TRPM3: variants seen among roughly 807,000 people sequenced by gnomAD.
TRPM3 encodes transient receptor potential cation channel subfamily M member 3, also known as long transient receptor potential channel 3.
A neutral mutation model predicts 181.2 loss-of-function variants in TRPM3; 77 were observed. The ratio of observed to expected loss-of-function variants is 0.42; its 90% confidence interval spans 0.35 to 0.51. The LOEUF (loss-of-function observed/expected upper bound fraction) is 0.51, where lower values mean the gene tolerates loss of function less well. Among genes scored for constraint, TRPM3 ranks in the 20% least tolerant of loss-of-function variants. The probability of loss-of-function intolerance (pLI) is 0.01; values close to 1 mark genes in which losing one functional copy is unlikely to be tolerated. For synonymous variants in TRPM3, 745 were observed against 796.4 expected, an observed-to-expected ratio of 0.94 and a Z score of 1.09; for missense variants, 1,759 against 2,196.7, an observed-to-expected ratio of 0.80 and a Z score of 3.98.
chr9:70,925,067 CAA>C (rs1478477252), intron 1 of TRPM3, among the ~76,000 whole-genome samples: 1 of 152,132 alleles, frequency 6.6e-6, no homozygotes, highest in Non-Finnish European at 1.5e-5. Context: ...TTGAGTCAGT[CAA>C]GAGTTTTGGC....
chr9:71,180,826 TA>T lies in TRPM3; in HGVS notation c.183+265826del, dbSNP rs1565311183. On this transcript the variant is annotated intron_variant, in intron 1 of 24. Transcript: ENST00000357533. ...CCCAAGATTAGGCAGCTAGAGTACA[TA>T]AAAAAGCGAATAGTTATTGAAGAGA... Among the ~76,000 whole-genome samples the T allele has an allele frequency of 2.0e-5, 3 of 152,212 alleles. No individual in the cohort carries two copies. In the South Asian group the frequency reaches 6.2e-4, roughly 32 times the overall value.
intron 1 of TRPM3, among the ~76,000 whole-genome samples, chr9:71,196,981 TA>T (rs2078417378): frequency 6.6e-6 from 1 of 152,046 alleles, no homozygotes; most frequent in South Asian, 2.1e-4. Flanking sequence ...ACTCGTCATT[TA>T]ACATTAGGTA....
intron 1 of TRPM3, among the ~76,000 whole-genome samples, chr9:71,405,734 A>G (rs1252938459): frequency 1.3e-5 from 2 of 152,164 alleles, no homozygotes; most frequent in African/African-American, 4.8e-5. Context: ...TTATAAAATT[A>G]TCAACTCTAT....
intron 1 of TRPM3, among the ~76,000 whole-genome samples, chr9:71,371,716 T>C (rs1053399698): frequency 2.0e-5 from 3 of 152,204 alleles, no homozygotes; most frequent in African/African-American, 4.8e-5. Flanking sequence ...TTTAAGAGGA[T>C]TGACTGATTT....
At chr9:71,315,888 C>T (rs1156848901) in intron 1 of TRPM3, among the ~76,000 whole-genome samples, 5 of 152,088 alleles carry the variant, frequency 3.3e-5, no homozygotes, top group Non-Finnish European at 7.4e-5. Flanking sequence ...AAACATTTTT[C>T]TGAGAAGACA....
intron 1 of TRPM3, among the ~76,000 whole-genome samples, chr9:71,204,570 C>T (rs1252026389): frequency 1.3e-5 from 2 of 152,132 alleles, no homozygotes; most frequent in African/African-American, 2.4e-5. Flanking sequence ...ACAACAGGTG[C>T]TGGAGAGGAT....
At chr9:71,341,391 A>G (rs931483469) in intron 1 of TRPM3, among the ~76,000 whole-genome samples, 1 of 152,172 alleles carries the variant, frequency 6.6e-6, no homozygotes, top group African/African-American at 2.4e-5. Context: ...ATCACTAGCA[A>G]CATGACATGT....
intron 1 of TRPM3, among the ~76,000 whole-genome samples, chr9:71,220,930 T>C (rs2080201474): frequency 6.6e-6 from 1 of 152,088 alleles, no homozygotes; most frequent in South Asian, 2.1e-4. Flanking sequence ...GCAAATCAGT[T>C]GTTTTCATGA....
At chr9:71,368,053 CAT>C (rs561609065) in intron 1 of TRPM3, among the ~76,000 whole-genome samples, 14 of 151,934 alleles carry the variant, frequency 9.2e-5, no homozygotes, top group Non-Finnish European at 1.3e-4. Context: ...CACACACACA[CAT>C]GAGGTTCACT....
chr9:70,916,975 G>T, intron 1 of TRPM3: 2 of 1,488,484 alleles, frequency 1.3e-6, no homozygotes, highest in Non-Finnish European at 9.3e-7. Flanking sequence ...GAACAATCTG[G>T]TATAATTGCC....
intron 1 of TRPM3, among the ~76,000 whole-genome samples, chr9:70,996,307 G>A (rs999178146): frequency 2.0e-5 from 3 of 152,114 alleles, no homozygotes; most frequent in Non-Finnish European, 4.4e-5. Flanking sequence ...GGTGGTGAAA[G>A]GCATAGGTTT....
intron 1 of TRPM3, among the ~76,000 whole-genome samples, chr9:70,965,677 T>C (rs2097178050): frequency 6.6e-6 from 1 of 152,138 alleles, no homozygotes; most frequent in Non-Finnish European, 1.5e-5. Context: ...GGATTCTATT[T>C]GCCAGTATTT....
In TRPM3 at chr9:70,761,728, C is replaced by A. The variant is rs768279136; in HGVS notation, c.1149-4G>T. ...CCTCAAAGATTCATTTATCAGTCTG[C>A]AAGTAAAAACAATGTCAAAAGCAGG... On this transcript the variant is annotated splice_polypyrimidine_tract_variant and splice_region_variant and intron_variant, in intron 7 of 25. Coordinates refer to ENST00000677713, the MANE Select transcript of TRPM3 (RefSeq NM_001366145.2). 1.0e-5 allele frequency: 16 copies of A among 1,605,372 alleles called. No individual in the cohort carries two copies. The highest frequency in any genetic ancestry group is 1.3e-5 in the African/African-American group (1 of 74,616).
intron 1 of TRPM3, among the ~76,000 whole-genome samples, chr9:71,239,528 A>G (rs1055711647): frequency 6.6e-6 from 1 of 152,174 alleles, no homozygotes; most frequent in Non-Finnish European, 1.5e-5. Context: ...TTTGAAAATA[A>G]TAAACTTCAC....
chr9:71,096,590 A>ACACACACTCTCTCTCT (rs1452142664), intron 1 of TRPM3, among the ~76,000 whole-genome samples: 28 of 90,040 alleles, frequency 3.1e-4, no homozygotes, highest in African/African-American at 1.4e-3. Flanking sequence ...ACACACACAC[A>ACACACACTCTCTCTCT]CTCTCTCTCT....
At chr9:70,817,058 T>C (rs2092754064) in intron 6 of TRPM3, among the ~76,000 whole-genome samples, 1 of 152,200 alleles carries the variant, frequency 6.6e-6, no homozygotes, top group African/African-American at 2.4e-5. Flanking sequence ...AAATTTTATC[T>C]CATGTGCCAA....
intron 7 of TRPM3, among the ~76,000 whole-genome samples, chr9:70,776,735 T>C (rs2081432917): frequency 6.6e-6 from 1 of 152,166 alleles, no homozygotes; most frequent in Admixed American, 6.5e-5. Flanking sequence ...CAACTGGGTT[T>C]CAAAGACAAA....
chr9:71,230,365 C>A (rs1565365227), intron 1 of TRPM3, among the ~76,000 whole-genome samples: 2 of 149,364 alleles, frequency 1.3e-5, no homozygotes, highest in East Asian at 2.0e-4. Context: ...TTAATAGGTA[C>A]AAAAAAATAG....
chr9:70,909,296 G>A (rs1051768675), intron 1 of TRPM3, among the ~76,000 whole-genome samples: 5 of 152,138 alleles, frequency 3.3e-5, no homozygotes, highest in Non-Finnish European at 7.3e-5. Flanking sequence ...CATTGTCCAA[G>A]TACTCCACAT....
Sources: gnomAD v4.1 joint callset for allele counts (sites outside exome capture counted in the v4.1 genomes callset) on GRCh38, gnomAD v4.1.1 for gene constraint, MANE v1.5 for transcripts, NCBI Gene and HGNC (gene_info 2026-07-23, HGNC 2026-07-21) for gene names.